Variants in ADAM23 observed in about 807,000 individuals in gnomAD.
The protein encoded by ADAM23 is ADAM metallopeptidase domain 23.
ADAM23 carries 33 observed loss-of-function variants against 120.1 expected under a neutral mutation model. That is an observed-to-expected ratio of 0.27 (90% CI 0.21 to 0.37). The LOEUF (loss-of-function observed/expected upper bound fraction) is 0.37. Ranked by LOEUF, ADAM23 falls within the 10% of genes least tolerant of loss-of-function variation. The pLI is 1.00. For missense variants in ADAM23, 862 were observed against 1,058.2 expected (o/e 0.81, Z 2.57); for synonymous variants, 367 against 375.2 (o/e 0.98, Z 0.25).
intron 2 of ADAM23, among the ~76,000 whole-genome samples, chr2:206,474,730 A>G (rs1695740122): frequency 6.6e-6 from 1 of 151,936 alleles, no homozygotes; most frequent in Non-Finnish European, 1.5e-5. Context: ...ATGCACCACC[A>G]TGCCTGGCTA....
chr2:206,477,448 C>A (rs1404390900), intron 2 of ADAM23, among the ~76,000 whole-genome samples: 2 of 152,062 alleles, frequency 1.3e-5, no homozygotes, highest in African/African-American at 2.4e-5. Context: ...TAATTCTGAG[C>A]CCAGGGACAT....
chr2:206,515,051 TCCCCAAGG>T (rs1307570938), intron 3 of ADAM23, among the ~76,000 whole-genome samples: 11 of 152,276 alleles, frequency 7.2e-5, no homozygotes, highest in African/African-American at 1.4e-4. Flanking sequence ...TCCTGCAGTA[TCCCCAAGG>T]TATGCCTGTA....
At chr2:206,542,921 A>C (rs1190215569) in intron 5 of ADAM23, among the ~76,000 whole-genome samples, 1 of 152,206 alleles carries the variant, frequency 6.6e-6, no homozygotes, top group Non-Finnish European at 1.5e-5. Flanking sequence ...TTCTGGAATA[A>C]TTACTTTAGA....
chr2:206,552,899 C>T (rs1243173677), intron 9 of ADAM23, among the ~76,000 whole-genome samples: 1 of 151,606 alleles, frequency 6.6e-6, no homozygotes, highest in Admixed American at 6.6e-5. Context: ...AGCTCCTGGA[C>T]TCAAGTGATC....
chr2:206,555,286 T>C (rs1697620377), intron 9 of ADAM23, among the ~76,000 whole-genome samples: 1 of 152,192 alleles, frequency 6.6e-6, no homozygotes, highest in African/African-American at 2.4e-5. Context: ...CTTATTATTT[T>C]AAGTGGCACC....
intron 5 of ADAM23, among the ~76,000 whole-genome samples, chr2:206,542,865 A>G (rs1574523308): frequency 6.6e-6 from 1 of 152,172 alleles, no homozygotes; most frequent in African/African-American, 2.4e-5. Context: ...TTTCTTACAG[A>G]TGATATTGAA....
chr2:206,464,354 C>T (rs965020180), intron 2 of ADAM23, among the ~76,000 whole-genome samples: 3 of 152,068 alleles, frequency 2.0e-5, no homozygotes, highest in African/African-American at 7.2e-5. Context: ...ACGGGTGGAT[C>T]ACCTGAGGTC....
rs115963260 is a variant in ADAM23, at chr2:206,601,601, C to T, written c.2359+5439C>T. 8.6e-3 allele frequency among the ~76,000 whole-genome samples: 1,303 copies of T among 151,744 alleles called. 14 individuals carry two copies. Among genetic ancestry groups the T allele is most frequent in the African/African-American group, 0.03 (1,248 of 41,354 alleles). ...CAGCCTGAGCAACATGGAAAAACCC[C>T]GTCTATATAAAAAAATAAAAAAATT... On this transcript the variant is annotated intron_variant, in intron 24 of 25. Coordinates refer to ENST00000264377, the MANE Select transcript of ADAM23 (RefSeq NM_003812.4).
chr2:206,484,586 A>C (rs1056920480), intron 3 of ADAM23, among the ~76,000 whole-genome samples: 1 of 152,172 alleles, frequency 6.6e-6, no homozygotes, highest in Non-Finnish European at 1.5e-5. Context: ...AATAACTTGC[A>C]TAGTTAAGTA....
At chr2:206,547,639 T>C (rs868806770) in intron 7 of ADAM23, 138 bp downstream of exon 7, 5 of 634,990 alleles carry the variant, frequency 7.9e-6, no homozygotes, top group South Asian at 5.0e-5. Context: ...AGCACTGGAA[T>C]GAGTGGTGGC....
chr2:206,553,222 T>C (rs2105816073), intron 9 of ADAM23, among the ~76,000 whole-genome samples: 1 of 152,086 alleles, frequency 6.6e-6, no homozygotes, highest in South Asian at 2.1e-4. Context: ...TACTAAAATA[T>C]AAATATATAT....
intron 25 of ADAM23, among the ~76,000 whole-genome samples, chr2:206,612,260 G>T (rs1698840542): frequency 6.6e-6 from 1 of 152,142 alleles, no homozygotes; most frequent in African/African-American, 2.4e-5. Flanking sequence ...AAAGGCTTTT[G>T]GTGCTGAATG....
intron 22 of ADAM23, 142 bp from the exon 23 acceptor site, chr2:206,594,595 A>T (rs1183207474): frequency 2.4e-6 from 2 of 826,014 alleles, no homozygotes; most frequent in Non-Finnish European, 3.7e-6. Context: ...GGGAAAGGGG[A>T]AGAAGAAGAG....
intron 2 of ADAM23, among the ~76,000 whole-genome samples, chr2:206,451,045 AG>A (rs1054983277): frequency 4.6e-5 from 7 of 152,226 alleles, no homozygotes; most frequent in African/African-American, 1.4e-4. Context: ...ACCGTTGCCT[AG>A]GGAAGTCAAA....
intron 3 of ADAM23, among the ~76,000 whole-genome samples, chr2:206,525,972 A>G (rs895009682): frequency 2.0e-5 from 3 of 152,184 alleles, no homozygotes; most frequent in African/African-American, 7.2e-5. Context: ...TTTCCTAGAT[A>G]CTAGGGAATC....
At chr2:206,538,925 T>C (rs538147734) in intron 4 of ADAM23, among the ~76,000 whole-genome samples, 1 of 152,318 alleles carries the variant, frequency 6.6e-6, no homozygotes, top group Non-Finnish European at 1.5e-5. Flanking sequence ...GTTCCTGTTA[T>C]TAGATTAGTA....
At position 206,594,215 on chromosome 2, in the gene ADAM23, A is replaced by G. The variant is rs547272661; in HGVS notation, c.2079-522A>G. Among the ~76,000 whole-genome samples, 18 of 152,214 alleles carry G rather than the reference A, an allele frequency of 1.2e-4. 1 individual carries two copies. In the South Asian group the frequency reaches 3.7e-3, roughly 32 times the overall value. ...ACACAATTCTTAGAATATTATCCCC[A>G]TCATTAAGCTAGGCATGTCTGTAAA... On this transcript the variant is annotated intron_variant, in intron 22 of 25. Transcript: ENST00000264377.
intron 6 of ADAM23, among the ~76,000 whole-genome samples, 183 bp downstream of exon 6, chr2:206,543,499 A>G (rs1697334599): frequency 6.6e-6 from 1 of 152,176 alleles, no homozygotes; most frequent in African/African-American, 2.4e-5. Context: ...ATGTACCCGT[A>G]AAGGATAGTA....
chr2:206,606,875 C>T (rs1465224975), intron 24 of ADAM23: 1 of 152,074 alleles, frequency 6.6e-6, no homozygotes, highest in Non-Finnish European at 1.5e-5. Flanking sequence ...TTCAAAGTGG[C>T]CCAGGAATGA....
Sources: gnomAD v4.1 joint callset for allele counts (sites outside exome capture counted in the v4.1 genomes callset) on GRCh38, gnomAD v4.1.1 for gene constraint, MANE v1.5 for transcripts, NCBI Gene and HGNC (gene_info 2026-07-23, HGNC 2026-07-21) for gene names.